The following RASGRP3 variants were observed in gnomAD, a reference collection of about 807,000 sequenced individuals.
RASGRP3 encodes the protein ras guanyl-releasing protein 3.
In RASGRP3, 54 loss-of-function variants were observed where a neutral mutation model predicts 82.7. The ratio of observed to expected loss-of-function variants is 0.65; its 90% CI spans 0.52 to 0.82. The LOEUF (loss-of-function observed/expected upper bound fraction) is 0.82, where lower values mean the gene tolerates loss of function less well. Ranked by LOEUF, RASGRP3 falls within the 40% of genes least tolerant of loss-of-function variation. The pLI, the probability that RASGRP3 is intolerant of heterozygous loss-of-function variation, is 0.00. For missense variants in RASGRP3, 861 were observed against 828.9 expected (o/e 1.04, Z -0.48); for synonymous variants, 309 against 300.5 (o/e 1.03, Z -0.29).
intron 1 of RASGRP3, among the ~76,000 whole-genome samples, chr2:33,485,995 C>T (rs962865000): frequency 1.8e-4 from 28 of 152,084 alleles, no homozygotes; most frequent in African/African-American, 5.3e-4. Flanking sequence ...GAGCTTTAAT[C>T]GCCAGTTTTA....
At chr2:33,530,469 G>A (rs927408116) in intron 10 of RASGRP3, among the ~76,000 whole-genome samples, 4 of 148,294 alleles carry the variant, frequency 2.7e-5, no homozygotes, top group Admixed American at 2.0e-4. Context: ...GGGCAGGGCT[G>A]TGAGTGTAAC....
intron 11 of RASGRP3, among the ~76,000 whole-genome samples, chr2:33,535,758 C>T (rs1273790981): frequency 1.3e-5 from 2 of 152,224 alleles, no homozygotes; most frequent in African/African-American, 4.8e-5. Flanking sequence ...GACCCAGACT[C>T]TTTAAAGCTA....
intron 14 of RASGRP3, chr2:33,555,010 A>G (rs1030184382): frequency 1.3e-5 from 2 of 152,400 alleles, no homozygotes; most frequent in African/African-American, 2.4e-5. Flanking sequence ...CCAAACATAG[A>G]GCAAATGTGG....
chr2:33,522,101 CA>C lies in RASGRP3; in HGVS notation c.516del (p.Phe173SerfsTer35). 2 of 1,597,160 alleles carry C rather than the reference CA, an allele frequency of 1.3e-6. No individual in the cohort carries two copies. The highest frequency in any genetic ancestry group is 8.5e-7 in the Non-Finnish European group (1 of 1,175,530). ...FLEHKSFRRI[S>X]FTDYQSYVIH... ...GAGCATAAATCTTTTAGAAGGATCT[CA>C]GTAAGAAACTTGACATTTATTCTTC... is the stretch of plus-strand genomic sequence containing the variant. On this transcript the variant is annotated frameshift_variant and splice_region_variant, in exon 7 of 18. Coordinates refer to ENST00000403687, the MANE Select transcript of RASGRP3 (RefSeq NM_001139488.2). LOFTEE classifies it high-confidence loss of function.
chr2:33,442,975 T>C (rs541778240), intron 1 of RASGRP3, among the ~76,000 whole-genome samples: 1 of 152,056 alleles, frequency 6.6e-6, no homozygotes, highest in African/African-American at 2.4e-5. Context: ...AATCCGGTAA[T>C]CCCACAACAG....
At chr2:33,524,586 G>A in intron 9 of RASGRP3, 38 bp downstream of exon 9, 1 of 1,453,942 alleles carries the variant, frequency 6.9e-7, no homozygotes, top group Non-Finnish European at 9.4e-7. Flanking sequence ...GTAAAAAAAT[G>A]CATTTGTAAA....
chr2:33,533,313 A>ATTAAGTCCCAATCCTCCTGG (rs1306368960), intron 10 of RASGRP3: 11 of 152,200 alleles, frequency 7.2e-5, no homozygotes, highest in Non-Finnish European at 1.5e-4. Flanking sequence ...TTTTGTCCAA[A>ATTAAGTCCCAATCCTCCTGG]TTAAGTCCCA....
intron 1 of RASGRP3, among the ~76,000 whole-genome samples, chr2:33,489,675 A>G (rs1189868056): frequency 6.6e-6 from 1 of 152,076 alleles, no homozygotes; most frequent in Non-Finnish European, 1.5e-5. Flanking sequence ...TGCTGGGACT[A>G]TAGGCAGGCA....
intron 4 of RASGRP3, among the ~76,000 whole-genome samples, chr2:33,517,447 G>A (rs1671576265): frequency 1.3e-5 from 2 of 152,190 alleles, no homozygotes; most frequent in Admixed American, 6.5e-5. Context: ...GGGAGCCTTA[G>A]AGAGAGAGGC....
intron 1 of RASGRP3, among the ~76,000 whole-genome samples, chr2:33,445,880 G>A (rs1363434153): frequency 6.6e-6 from 1 of 152,136 alleles, no homozygotes; most frequent in Admixed American, 6.5e-5. Context: ...AGGGACAAGC[G>A]TAAGAGATAA....
At chr2:33,527,591 C>G (rs1186528938) in intron 10 of RASGRP3, among the ~76,000 whole-genome samples, 179 bp downstream of exon 10, 1 of 151,892 alleles carries the variant, frequency 6.6e-6, no homozygotes. Flanking sequence ...TTTCCATAAC[C>G]AGCAAATCTT....
chr2:33,494,141 A>C (rs926451061), intron 1 of RASGRP3, among the ~76,000 whole-genome samples: 2 of 152,194 alleles, frequency 1.3e-5, no homozygotes, highest in African/African-American at 4.8e-5. Context: ...TTATAGAATG[A>C]GGTAGTTAAA....
At chr2:33,469,534 A>T (rs990392141) in intron 2 of RASGRP3, among the ~76,000 whole-genome samples, 2 of 150,184 alleles carry the variant, frequency 1.3e-5, no homozygotes, top group Non-Finnish European at 2.9e-5. Flanking sequence ...ATCTTGACTC[A>T]CTGCAACCTC....
intron 1 of RASGRP3, among the ~76,000 whole-genome samples, chr2:33,498,175 G>C (rs1669505923): frequency 6.6e-6 from 1 of 152,142 alleles, no homozygotes; most frequent in African/African-American, 2.4e-5. Flanking sequence ...AATAACAGCA[G>C]CTAACACTCA....
chr2:33,540,484 T>C (rs1674141012), intron 12 of RASGRP3, among the ~76,000 whole-genome samples: 1 of 145,612 alleles, frequency 6.9e-6, no homozygotes, highest in African/African-American at 2.4e-5. Flanking sequence ...TCTCCCAGTC[T>C]CATTCTACAT....
intron 2 of RASGRP3, among the ~76,000 whole-genome samples, chr2:33,464,554 C>G (rs1666577437): frequency 6.6e-6 from 1 of 151,856 alleles, no homozygotes; most frequent in South Asian, 2.1e-4. Flanking sequence ...CTCACTGCAG[C>G]CTTGACTTCC....
chr2:33,533,124 G>C (rs1205359079), intron 10 of RASGRP3: 7 of 152,206 alleles, frequency 4.6e-5, no homozygotes, highest in African/African-American at 1.7e-4. Context: ...GAAGTGATGT[G>C]ATTCATTGAG....
rs774383856 is a variant in RASGRP3, at chr2:33,527,402, A to G, written c.1073A>G (p.Asn358Ser). The change falls in exon 10 of 18, where the codon AAC (asparagine) becomes AGC (serine). Residue 358 changes from asparagine (N) to serine (S), a missense_variant. Asn to Ser is a conservative substitution (Grantham distance 46). Transcript: ENST00000403687. ...HHLEPNMDLI[N>S]LLTLSLDLYH... ...TTAGAACCCAACATGGATTTGATCA[A>G]CCTGCTCACGGTGAGTTCCAAGGAG... 19 of 1,612,610 alleles carry G rather than the reference A, an allele frequency of 1.2e-5. No homozygotes were observed. The highest frequency in any genetic ancestry group is 2.2e-5 in the East Asian group (1 of 44,848).
At chr2:33,533,685 G>A (rs566281112) in intron 10 of RASGRP3, 3 of 152,434 alleles carry the variant, frequency 2.0e-5, no homozygotes, top group Non-Finnish European at 4.4e-5. Context: ...TGACCACACA[G>A]CCTCTGCCCT....
Sources: gnomAD v4.1 joint callset for allele counts (sites outside exome capture counted in the v4.1 genomes callset) on GRCh38, gnomAD v4.1.1 for gene constraint, MANE v1.5 for transcripts, NCBI Gene and HGNC (gene_info 2026-07-23, HGNC 2026-07-21) for gene names.